CSF1: variants seen among roughly 807,000 people sequenced by gnomAD.
The protein encoded by CSF1 is colony stimulating factor 1.
A neutral mutation model predicts 48.9 loss-of-function variants in CSF1; 9 were observed. The observed-to-expected ratio is 0.18, with a 90% CI of 0.11 to 0.32. The LOEUF is 0.32. Ranked by LOEUF, CSF1 falls within the 10% of genes least tolerant of loss-of-function variation. CSF1 has a pLI of 1.00. For missense variants in CSF1, 672 were observed against 697.9 expected (o/e 0.96, Z 0.42); for synonymous variants, 305 against 284.1 (o/e 1.07, Z -0.74).
intron 1 of CSF1, 21 bp downstream of exon 1, chr1:109,911,083 T>C: frequency 2.8e-6 from 3 of 1,054,152 alleles, no homozygotes; most frequent in Non-Finnish European, 3.4e-6. Flanking sequence ...GCCGCGGCGC[T>C]GGGCCCGGGA....
Position 109,924,109 on chromosome 1 carries a change from T to C in CSF1, c.1488T>C (p.Ser496=). The change falls in exon 6 of 9, where the codon TCT becomes TCC. Residue 496 remains serine, a synonymous_variant. Transcript: ENST00000329608. ...EGSFSPQLQE[S]VFHLLVPSVI... The stretch of plus-strand genomic sequence containing the variant: ...CCTTCAGCCCGCAGCTCCAGGAGTC[T>C]GTCTTCCACCTGCTGGTGCCCAGTG... The C allele has an allele frequency of 6.2e-7, 1 of 1,614,208 alleles. No homozygotes were observed. Among genetic ancestry groups the C allele is most frequent in the Non-Finnish European group, 8.5e-7 (1 of 1,180,030 alleles).
At chr1:109,927,566 C>T (rs1043869653) in intron 8 of CSF1, among the ~76,000 whole-genome samples, 2 of 151,068 alleles carry the variant, frequency 1.3e-5, no homozygotes, top group Non-Finnish European at 3.0e-5. Context: ...ACCCTCCTTT[C>T]CCCACTTGCT....
chr1:109,910,512 GC>G (rs1654627995), upstream of CSF1: 2 of 404,774 alleles, frequency 4.9e-6, no homozygotes, highest in Non-Finnish European at 1.0e-5. Flanking sequence ...CACTGAATCA[GC>G]CTGGAGAGCG....
At chr1:109,911,514 G>A (rs1336919553) in intron 1 of CSF1, among the ~76,000 whole-genome samples, 1 of 152,208 alleles carries the variant, frequency 6.6e-6, no homozygotes, top group Non-Finnish European at 1.5e-5. Flanking sequence ...TCTGGGCAGG[G>A]AAAGTTCAGG....
At chr1:109,921,734 A>G (rs1368689634) in intron 4 of CSF1, 113 bp from the exon 5 acceptor site, 10 of 1,345,036 alleles carry the variant, frequency 7.4e-6, no homozygotes, top group African/African-American at 1.5e-5. Context: ...GAGCAAGGAA[A>G]CAAAAGGGAA....
intron 4 of CSF1, among the ~76,000 whole-genome samples, 197 bp from the exon 5 acceptor site, chr1:109,921,650 G>A (rs1557735548): frequency 6.6e-6 from 1 of 152,158 alleles, no homozygotes. Flanking sequence ...ATAAACATAT[G>A]TTGAATGGGT....
chr1:109,918,842 G>T (rs1277983732), intron 4 of CSF1, among the ~76,000 whole-genome samples: 3 of 151,960 alleles, frequency 2.0e-5, no homozygotes, highest in Admixed American at 6.6e-5. Flanking sequence ...AGGCATGGGG[G>T]TTCGGCTTAT....
rs191317982 is a variant in CSF1 at position 109,914,190 on chromosome 1, G to T, written c.40-69G>T. The T allele has an allele frequency of 1.2e-5, 18 of 1,488,794 alleles. No homozygotes were observed. In the African/African-American group the frequency reaches 2.5e-4, roughly 21 times the overall value. 92.2% of individuals were successfully genotyped at this position (1,488,794 alleles called of 1,614,324 possible). A position where few individuals can be genotyped will look rare whatever the true frequency, so the allele number is the denominator to read the frequency against. ...AGATATGAGGCCTTTGTTTTTCTGC[G>T]TTGAGCAGGGCATGGGGATAACTGG... On this transcript the variant is annotated intron_variant, in intron 1 of 8. Transcript: ENST00000329608.
chr1:109,924,569 C>A (rs1647751527), intron 6 of CSF1, among the ~76,000 whole-genome samples: 1 of 152,100 alleles, frequency 6.6e-6, no homozygotes, highest in African/African-American at 2.4e-5. Context: ...GAACAGCCTG[C>A]AAGGGTGTGG....
rs777181603 is a variant in CSF1 at position 109,923,534 on chromosome 1, C to G, written c.913C>G (p.Pro305Ala). ...CTCTGCAATGGGCACTAATTGGGTC[C>G]CAGAAGAAGCCTCTGGAGAGGCCAG... ...LDSAMGTNWV[P>A]EEASGEASEI... The change falls in exon 6 of 9, where the codon CCA becomes GCA. Residue 305 changes from proline (P) to alanine (A), a missense_variant. Around this residue, in one of 3 missense-constraint regions of CSF1, gnomAD observed 591 missense variants for 593.6 expected, o/e 1.00. Coordinates refer to ENST00000329608, the MANE Select transcript of CSF1 (RefSeq NM_000757.6). 1 of 1,614,120 alleles carries G rather than the reference C, an allele frequency of 6.2e-7. No individual in the cohort carries two copies. The highest frequency in any genetic ancestry group is 8.5e-7 in the Non-Finnish European group (1 of 1,179,998).
chr1:109,915,187 C>T (rs1461808850), intron 2 of CSF1, among the ~76,000 whole-genome samples: 1 of 152,232 alleles, frequency 6.6e-6, no homozygotes, highest in Non-Finnish European at 1.5e-5. Flanking sequence ...CCAGCATTCT[C>T]TGAGGCTTAA....
Position 109,930,671 on chromosome 1 carries a change from C to A in CSF1, c.*1833C>A, listed in dbSNP as rs1457411006. The A allele has an allele frequency of 1.3e-5, 2 of 152,124 alleles. No homozygotes were observed. Among genetic ancestry groups the A allele is most frequent in the African/African-American group, 4.8e-5 (2 of 41,410 alleles). 9.4% of individuals were successfully genotyped at this position (152,124 alleles called of 1,614,324 possible). On this transcript the variant is annotated 3_prime_UTR_variant, in exon 9 of 9. Transcript: ENST00000329608. ...ATGGAAGAAAAATAAAAAGGCATTC[C>A]CCCTTCATCCCCCTACCTTAAACAT... is the stretch of plus-strand genomic sequence containing the variant.
rs767959767 is a variant in CSF1, at chr1:109,924,207, G to A, written c.1569+17G>A. 6 of 1,582,950 alleles carry A rather than the reference G, an allele frequency of 3.8e-6. No individual in the cohort carries two copies. In the Middle Eastern group the frequency reaches 8.8e-4, roughly 232 times the overall value. ...AGGCGGCGGGTGAGTAGATCCCCATGAGGAAGAAGAGCACGTCCCTTAGGG... is the reference window on the plus strand; with the variant it reads ...AGGCGGCGGGTGAGTAGATCCCCATAAGGAAGAAGAGCACGTCCCTTAGGG... On this transcript the variant is annotated intron_variant, in intron 6 of 8. Coordinates refer to ENST00000329608, the MANE Select transcript of CSF1 (RefSeq NM_000757.6).
chr1:109,911,696 C>T (rs982989227), intron 1 of CSF1, among the ~76,000 whole-genome samples: 1 of 152,202 alleles, frequency 6.6e-6, no homozygotes, highest in African/African-American at 2.4e-5. Context: ...CCCGGGGCTG[C>T]TTGGGGCTAG....
At position 109,930,778 on chromosome 1, in the gene CSF1, A is replaced by G. The variant is rs1648036685; in HGVS notation, c.*1940A>G. ...CACTTGGTGGCATCAGAGCAGGAGGAGCCCCAGAGCCACCTCTGGTGTCCC... is the reference window on the plus strand; with the variant it reads ...CACTTGGTGGCATCAGAGCAGGAGGGGCCCCAGAGCCACCTCTGGTGTCCC... On this transcript the variant is annotated 3_prime_UTR_variant, in exon 9 of 9. Transcript: ENST00000329608. The G allele has an allele frequency of 6.6e-6, 1 of 152,188 alleles. No homozygotes were observed. The highest frequency in any genetic ancestry group is 2.4e-5 in the African/African-American group (1 of 41,444). 9.4% of individuals were successfully genotyped at this position (152,188 alleles called of 1,614,324 possible).
At chr1:109,924,850 C>G in intron 7 of CSF1, 22 bp downstream of exon 7, 1 of 1,599,954 alleles carries the variant, frequency 6.3e-7, no homozygotes, top group Non-Finnish European at 8.5e-7. Flanking sequence ...AGGTGGGGCT[C>G]TGGGAGGCAC....
intron 4 of CSF1, among the ~76,000 whole-genome samples, chr1:109,918,934 G>T (rs920945676): frequency 6.6e-6 from 1 of 152,124 alleles, no homozygotes; most frequent in Non-Finnish European, 1.5e-5. Context: ...AGGGCAAGCA[G>T]AGGATGGGGG....
Position 109,925,071 on chromosome 1 carries a change from A to AG in CSF1, c.1623-72dup, listed in dbSNP as rs1647779397. 5.2e-6 allele frequency: 7 copies of AG among 1,340,002 alleles called. No homozygotes were observed. In the East Asian group the frequency reaches 1.6e-4, roughly 31 times the overall value. The allele number at this position is 1,340,002 out of a possible 1,614,324, so 83.0% of individuals were successfully genotyped here. ...AGGGCCTAGAGCATGTCTGGGGCTTAGGGGTAAACTTACGGAGTCCCCTTA... is the reference window on the plus strand; with the variant it reads ...AGGGCCTAGAGCATGTCTGGGGCTTAGGGGGTAAACTTACGGAGTCCCCTTA... On this transcript the variant is annotated intron_variant, in intron 7 of 8. Coordinates refer to ENST00000329608, the MANE Select transcript of CSF1 (RefSeq NM_000757.6).
upstream of CSF1, chr1:109,910,665 G>C (rs1654635076): frequency 4.2e-6 from 1 of 237,524 alleles, no homozygotes; most frequent in Non-Finnish European, 8.5e-6. Context: ...GGGGCTGGCC[G>C]GCCGGCGGGT....
Sources: allele counts gnomAD v4.1 joint callset (sites outside exome capture counted in the v4.1 genomes callset), GRCh38; gene constraint gnomAD v4.1.1; regional missense constraint gnomAD v4.1.1; transcripts MANE v1.5; gene names NCBI Gene and HGNC (gene_info 2026-07-23, HGNC 2026-07-21).